The following CDK19 variants were observed in gnomAD, a reference collection of about 807,000 sequenced individuals.
CDK19 encodes cyclin dependent kinase 19.
Under a neutral mutation model 68.3 loss-of-function variants are expected in CDK19, and 20 were observed. The ratio of observed to expected loss-of-function variants is 0.29; its 90% CI spans 0.21 to 0.43. The LOEUF (loss-of-function observed/expected upper bound fraction) is 0.43, where lower values mean the gene tolerates loss of function less well. CDK19 is among the 20% of genes least tolerant of loss of function. The probability of loss-of-function intolerance (pLI) is 1.00; values close to 1 mark genes in which losing one functional copy is unlikely to be tolerated. For missense variants in CDK19, 339 were observed against 623.5 expected (o/e 0.54, Z 4.86); for synonymous variants, 221 against 222.8 (o/e 0.99, Z 0.07).
chr6:110,787,474 T>TC (rs1462760327), intron 1 of CDK19, among the ~76,000 whole-genome samples: 1 of 152,122 alleles, frequency 6.6e-6, no homozygotes, highest in African/African-American at 2.4e-5. Context: ...GGGAACAAGG[T>TC]CTCACTCTGT....
At chr6:110,699,935 T>C (rs1400981758) in intron 2 of CDK19, among the ~76,000 whole-genome samples, 1 of 152,202 alleles carries the variant, frequency 6.6e-6, no homozygotes, top group Non-Finnish European at 1.5e-5. Context: ...GCTCATGGCC[T>C]GTTAGGAACA....
At chr6:110,671,035 A>G (rs1379001136) in intron 2 of CDK19, among the ~76,000 whole-genome samples, 1 of 152,142 alleles carries the variant, frequency 6.6e-6, no homozygotes, top group Non-Finnish European at 1.5e-5. Context: ...GATATTTAAC[A>G]ATCCCTGTAC....
chr6:110,697,188 C>T (rs1410778034), intron 2 of CDK19, among the ~76,000 whole-genome samples: 1 of 151,784 alleles, frequency 6.6e-6, no homozygotes, highest in African/African-American at 2.4e-5. Flanking sequence ...TGAGATTGAG[C>T]CATTGCACTC....
chr6:110,641,651 AAGGAAGGAAGG>A (rs1562150003), intron 4 of CDK19, among the ~76,000 whole-genome samples: 13 of 134,436 alleles, frequency 9.7e-5, no homozygotes, highest in South Asian at 4.7e-4. Flanking sequence ...GAAAGAAAGG[AAGGAAGGAAGG>A]AAGGAAGGAA....
At chr6:110,784,354 A>G (rs1360311692) in intron 1 of CDK19, among the ~76,000 whole-genome samples, 1 of 152,192 alleles carries the variant, frequency 6.6e-6, no homozygotes, top group Non-Finnish European at 1.5e-5. Context: ...CAAAGAATAT[A>G]TGCAATGGTC....
rs1312732949 is a variant in CDK19 at position 110,815,251 on chromosome 6, G to GCGCGCGC, written c.-122_-116dup. 25 of 1,198,636 alleles carry GCGCGCGC rather than the reference G, an allele frequency of 2.1e-5. No homozygotes were observed. The highest frequency in any genetic ancestry group is 2.5e-5 in the Non-Finnish European group (24 of 943,372). The allele number at this position is 1,198,636 out of a possible 1,614,324, so 74.3% of individuals were successfully genotyped here. ...TCCAACAGCCGCCTCTCGCGCGCGC[G>GCGCGCGC]CGCGCGCCGCCCGCCGCCCGCCGCT... On this transcript the variant is annotated 5_prime_UTR_variant, in exon 1 of 13. Transcript: ENST00000368911.
chr6:110,612,017 T>A lies in CDK19; in HGVS notation c.*2518A>T, dbSNP rs1195073589. The A allele has an allele frequency of 1.3e-5, 2 of 152,194 alleles. No individual in the cohort carries two copies. The highest frequency in any genetic ancestry group is 2.4e-5 in the African/African-American group (1 of 41,440). 9.4% of individuals were successfully genotyped at this position (152,194 alleles called of 1,614,324 possible). On this transcript the variant is annotated 3_prime_UTR_variant, in exon 13 of 13. Coordinates refer to ENST00000368911, the MANE Select transcript of CDK19 (RefSeq NM_015076.5). ...ACTGACGAAATCCCCTTACAGTTTA[T>A]ATTTCAGTTCTGCCAGCAAAAGTCA...
intron 2 of CDK19, among the ~76,000 whole-genome samples, chr6:110,674,650 C>T (rs1398721276): frequency 2.6e-5 from 4 of 152,172 alleles, no homozygotes; most frequent in African/African-American, 9.7e-5. Flanking sequence ...CGCCTATAAT[C>T]CCAGCACTTT....
At chr6:110,676,621 G>A (rs1056105022) in intron 2 of CDK19, among the ~76,000 whole-genome samples, 3 of 152,132 alleles carry the variant, frequency 2.0e-5, no homozygotes, top group Admixed American at 2.0e-4. Flanking sequence ...TCAATACTGA[G>A]GCAAGACCAT....
At chr6:110,719,316 T>C (rs1775644159) in intron 2 of CDK19, among the ~76,000 whole-genome samples, 1 of 152,128 alleles carries the variant, frequency 6.6e-6, no homozygotes, top group Non-Finnish European at 1.5e-5. Flanking sequence ...AAACCCTGTC[T>C]CTACAAAAAA....
intron 1 of CDK19, chr6:110,813,910 T>C (rs1439887546): frequency 1.3e-5 from 2 of 152,270 alleles, no homozygotes; most frequent in African/African-American, 4.8e-5. Context: ...TTTGACTCTC[T>C]TTAAAGTCTA....
chr6:110,730,216 T>C (rs982220718), intron 2 of CDK19, among the ~76,000 whole-genome samples: 1 of 152,180 alleles, frequency 6.6e-6, no homozygotes, highest in Non-Finnish European at 1.5e-5. Flanking sequence ...TAAGCTTAAC[T>C]TGAATGACTT....
At chr6:110,814,653 G>A (rs187967488) in intron 1 of CDK19, 1 of 498,364 alleles carries the variant, frequency 2.0e-6, no homozygotes, top group African/African-American at 1.9e-5. Flanking sequence ...CTCCGCAGCG[G>A]AGCTCTGCCT....
intron 12 of CDK19, among the ~76,000 whole-genome samples, chr6:110,617,321 G>C (rs1211895333): frequency 6.6e-6 from 1 of 152,144 alleles, no homozygotes; most frequent in African/African-American, 2.4e-5. Context: ...CCCAGAGGGG[G>C]TCCTGCCCCA....
At chr6:110,618,949 C>T (rs1778532091) in intron 12 of CDK19, among the ~76,000 whole-genome samples, 1 of 152,174 alleles carries the variant, frequency 6.6e-6, no homozygotes, top group African/African-American at 2.4e-5. Flanking sequence ...TAGCTAGTCA[C>T]ACCCATGACA....
At chr6:110,787,444 TG>T (rs1162537011) in intron 1 of CDK19, among the ~76,000 whole-genome samples, 2 of 152,084 alleles carry the variant, frequency 1.3e-5, no homozygotes, top group Non-Finnish European at 2.9e-5. Flanking sequence ...TGTTTTGTTT[TG>T]TTTTTTTGTT....
chr6:110,628,515 C>T (rs1038142582), intron 6 of CDK19, among the ~76,000 whole-genome samples: 1 of 152,236 alleles, frequency 6.6e-6, no homozygotes, highest in African/African-American at 2.4e-5. Flanking sequence ...AATCATCCCT[C>T]TGTTCATCCA....
At chr6:110,718,426 T>C (rs891757790) in intron 2 of CDK19, among the ~76,000 whole-genome samples, 3 of 152,060 alleles carry the variant, frequency 2.0e-5, no homozygotes, top group Non-Finnish European at 4.4e-5. Context: ...GAAAACTCTA[T>C]CAACTGGCCT....
At chr6:110,719,972 G>GCTCCCCCCCCCCCCCCCCCCCCCC (rs1554211507) in intron 2 of CDK19, among the ~76,000 whole-genome samples, 15 of 45,518 alleles carry the variant, frequency 3.3e-4, no homozygotes, top group Admixed American at 6.3e-4. Context: ...CTTGTGATCC[G>GCTCCCCCCCCCCCCCCCCCCCCCC]CCCCCCCCCC....
Sources: gnomAD v4.1 joint callset for allele counts (sites outside exome capture counted in the v4.1 genomes callset) on GRCh38, gnomAD v4.1.1 for gene constraint, MANE v1.5 for transcripts, NCBI Gene and HGNC (gene_info 2026-07-23, HGNC 2026-07-21) for gene names.